The following TYW1 variants were observed in gnomAD, a reference collection of about 807,000 sequenced individuals.
The protein encoded by TYW1 is S-adenosyl-L-methionine-dependent tRNA 4-demethylwyosine synthase TYW1.
TYW1 carries 46 observed loss-of-function variants against 96.2 expected under a neutral mutation model. The observed-to-expected ratio is 0.48, with a 90% CI of 0.38 to 0.61. The LOEUF is 0.61. Ranked by LOEUF, TYW1 falls within the 20% of genes least tolerant of loss-of-function variation. The pLI, the probability that TYW1 is intolerant of heterozygous loss-of-function variation, is 0.00. For synonymous variants in TYW1, 274 were observed against 323.0 expected, an observed-to-expected ratio of 0.85 and a Z score of 1.63; for missense variants, 684 against 909.6, an observed-to-expected ratio of 0.75 and a Z score of 3.19.
chr7:67,006,163 A>G (rs1391726608), intron 3 of TYW1, among the ~76,000 whole-genome samples: 3 of 152,146 alleles, frequency 2.0e-5, no homozygotes, highest in Non-Finnish European at 4.4e-5. Context: ...CAGATTTTGC[A>G]TGAGAGGTTT....
intron 13 of TYW1, among the ~76,000 whole-genome samples, chr7:67,169,831 A>C (rs1323391748): frequency 5.3e-5 from 8 of 152,218 alleles, no homozygotes; most frequent in African/African-American, 1.9e-4. Context: ...ACTGCTGGGA[A>C]TATTCATGCA....
intron 12 of TYW1, among the ~76,000 whole-genome samples, chr7:67,117,004 T>C (rs1010329320): frequency 6.6e-6 from 1 of 152,094 alleles, no homozygotes; most frequent in African/African-American, 2.4e-5. Context: ...TCTGCGTCCT[T>C]TGAGTAAGGC....
chr7:67,144,247 A>G (rs537815251), intron 13 of TYW1, among the ~76,000 whole-genome samples: 2 of 152,220 alleles, frequency 1.3e-5, no homozygotes, highest in South Asian at 4.1e-4. Flanking sequence ...CCTTGAGTAA[A>G]TTATGGCTTG....
intron 13 of TYW1, among the ~76,000 whole-genome samples, chr7:67,160,944 C>A (rs1026021517): frequency 2.0e-5 from 3 of 152,104 alleles, no homozygotes; most frequent in African/African-American, 4.8e-5. Flanking sequence ...TCACCCTCCC[C>A]AAGTGGATAA....
chr7:67,107,809 T>C (rs1287207768), intron 12 of TYW1, among the ~76,000 whole-genome samples: 2 of 148,408 alleles, frequency 1.3e-5, no homozygotes, highest in Admixed American at 1.4e-4. Context: ...CAAGTGATCC[T>C]CCCACCCTGG....
intron 15 of TYW1, among the ~76,000 whole-genome samples, chr7:67,210,843 AATCC>A (rs1800986783): frequency 6.8e-6 from 1 of 148,002 alleles, no homozygotes; most frequent in Non-Finnish European, 1.5e-5. Flanking sequence ...TCCATCTATC[AATCC>A]ATCCATCCAC....
intron 5 of TYW1, 83 bp downstream of exon 5, chr7:67,014,644 C>G (rs2129241548): frequency 6.8e-7 from 1 of 1,463,624 alleles, no homozygotes; most frequent in Middle Eastern, 1.8e-4. Context: ...CACACGTGCA[C>G]ACACGCACAC....
intron 7 of TYW1, among the ~76,000 whole-genome samples, chr7:67,040,143 G>C (rs113555121): frequency 6.6e-6 from 1 of 151,276 alleles, no homozygotes; most frequent in Non-Finnish European, 1.5e-5. Context: ...TTTTTGTAGA[G>C]ATGGGGTTTT....
At chr7:67,218,269 T>C (rs1801266228) in intron 15 of TYW1, among the ~76,000 whole-genome samples, 1 of 152,162 alleles carries the variant, frequency 6.6e-6, no homozygotes, top group African/African-American at 2.4e-5. Flanking sequence ...ATTGTACAAG[T>C]CTTTCATCTC....
At chr7:67,217,293 CT>C (rs1414612876) in intron 15 of TYW1, among the ~76,000 whole-genome samples, 2 of 152,076 alleles carry the variant, frequency 1.3e-5, no homozygotes, top group Non-Finnish European at 2.9e-5. Flanking sequence ...TCTATTCTTT[CT>C]TTTCTTGCCT....
chr7:67,166,436 TGAACTGCTG>T (rs1799333021), intron 13 of TYW1, among the ~76,000 whole-genome samples: 1 of 150,698 alleles, frequency 6.6e-6, no homozygotes, highest in African/African-American at 2.4e-5. Flanking sequence ...AGATCTTACA[TGAACTGCTG>T]GATGAATTAT....
intron 12 of TYW1, among the ~76,000 whole-genome samples, chr7:67,114,632 A>G (rs1797533574): frequency 6.6e-6 from 1 of 152,152 alleles, no homozygotes; most frequent in South Asian, 2.1e-4. Flanking sequence ...AGATTCTCAG[A>G]TACAGGAATT....
At chr7:67,112,100 C>CAAAAAAAAA (rs538839042) in intron 12 of TYW1, among the ~76,000 whole-genome samples, 54 of 94,862 alleles carry the variant, frequency 5.7e-4, no homozygotes, top group Middle Eastern at 5.6e-3. Context: ...CTCTGTCTGA[C>CAAAAAAAAA]AAAAAAAAAA....
chr7:67,179,746 C>T, intron 13 of TYW1, among the ~76,000 whole-genome samples: 1 of 143,942 alleles, frequency 6.9e-6, no homozygotes. Flanking sequence ...ATTTATAAAT[C>T]CATCATGGCT....
At chr7:67,184,997 C>G (rs1337882824) in intron 14 of TYW1, among the ~76,000 whole-genome samples, 1 of 151,954 alleles carries the variant, frequency 6.6e-6, no homozygotes, top group Non-Finnish European at 1.5e-5. Context: ...GTTAGAACTA[C>G]CGCGCCAGGC....
intron 15 of TYW1, among the ~76,000 whole-genome samples, chr7:67,231,571 G>A (rs539462526): frequency 6.6e-6 from 1 of 152,256 alleles, no homozygotes; most frequent in South Asian, 2.1e-4. Context: ...AGAATTCTTG[G>A]CTGGAAACTA....
chr7:67,239,189 G>C lies in TYW1; in HGVS notation c.*660G>C. 7 of 985,670 alleles carry C rather than the reference G, an allele frequency of 7.1e-6. No homozygotes were observed. The highest frequency in any genetic ancestry group is 8.4e-6 in the Non-Finnish European group (7 of 830,108). The allele number at this position is 985,670 out of a possible 1,614,324, so 61.1% of individuals were successfully genotyped here. On this transcript the variant is annotated 3_prime_UTR_variant, in exon 16 of 16. Transcript: ENST00000359626. ...ACCACAGACCGCAGTACCGGGGCTG[G>C]AGCGGAGTGAAGCTGTCTGCTGTAA...
At chr7:67,121,199 A>G (rs1380287933) in intron 13 of TYW1, among the ~76,000 whole-genome samples, 2 of 124,626 alleles carry the variant, frequency 1.6e-5, no homozygotes, top group African/African-American at 5.5e-5. Flanking sequence ...CACTTAAAAC[A>G]TATATTTTGT....
At chr7:67,037,509 A>AG (rs995412806) in intron 7 of TYW1, among the ~76,000 whole-genome samples, 8 of 151,584 alleles carry the variant, frequency 5.3e-5, no homozygotes, top group African/African-American at 1.7e-4. Flanking sequence ...CGTCTCAAAA[A>AG]AAAAAAAAAA....
Sources: gnomAD v4.1 joint callset for allele counts (sites outside exome capture counted in the v4.1 genomes callset) on GRCh38, gnomAD v4.1.1 for gene constraint, MANE v1.5 for transcripts, NCBI Gene and HGNC (gene_info 2026-07-23, HGNC 2026-07-21) for gene names.